The following C12orf60 variants were observed in gnomAD, a reference collection of about 807,000 sequenced individuals.
C12orf60 encodes uncharacterized protein C12orf60.
For synonymous variants in C12orf60, 102 were observed against 94.6 expected, an observed-to-expected ratio of 1.08 and a Z score of -0.45; for missense variants, 284 against 283.2, an observed-to-expected ratio of 1.00 and a Z score of -0.02.
chr12:14,806,115 TG>T (rs1950044672), intron 1 of C12orf60: 41 of 1,614,198 alleles, frequency 2.5e-5, no homozygotes, highest in Non-Finnish European at 3.5e-5. Flanking sequence ...GATGGCTGCT[TG>T]AAGCTGTGTT....
chr12:14,803,974 G>T (rs1365252762), intron 1 of C12orf60, among the ~76,000 whole-genome samples: 12 of 152,100 alleles, frequency 7.9e-5, no homozygotes, highest in African/African-American at 2.9e-4. Context: ...TGAGCGCCTA[G>T]TACGTGTGGA....
intron 1 of C12orf60, among the ~76,000 whole-genome samples, chr12:14,816,220 TG>T (rs1357871687): frequency 2.0e-5 from 3 of 151,986 alleles, no homozygotes; most frequent in African/African-American, 7.2e-5. Context: ...GGATTGACAG[TG>T]GTGGGAAATG....
At chr12:14,807,678 G>A (rs1190462705) in intron 1 of C12orf60, among the ~76,000 whole-genome samples, 9 of 152,158 alleles carry the variant, frequency 5.9e-5, no homozygotes, top group Non-Finnish European at 1.3e-4. Context: ...AGACTCTTTG[G>A]ATTAAAATTT....
In C12orf60 at chr12:14,809,196, G is replaced by A. The variant is rs185528141; in HGVS notation, c.-25+5445G>A. On this transcript the variant is annotated intron_variant, in intron 1 of 1. Transcript: ENST00000330828. ...GGCATAGTTTCCAGAAAAGGTGGGT[G>A]GTTCTGTCTACCTCAAGATAAACAA... is the stretch of plus-strand genomic sequence containing the variant. 3.0e-3 allele frequency among the ~76,000 whole-genome samples: 459 copies of A among 152,232 alleles called. 2 individuals are homozygous for A. Among genetic ancestry groups the A allele is most frequent in the African/African-American group, 0.011 (437 of 41,546 alleles).
chr12:14,812,399 G>A (rs1247216172), intron 1 of C12orf60, among the ~76,000 whole-genome samples: 1 of 152,058 alleles, frequency 6.6e-6, no homozygotes, highest in South Asian at 2.1e-4. Flanking sequence ...AGCCGAGATT[G>A]TGCCACTGCA....
At chr12:14,817,780 G>A (rs773615336) in intron 1 of C12orf60, among the ~76,000 whole-genome samples, 11 of 151,838 alleles carry the variant, frequency 7.2e-5, no homozygotes, top group Non-Finnish European at 1.3e-4. Context: ...AAATAGTGCT[G>A]CAATAAACAT....
chr12:14,803,978 G>C (rs907335934), intron 1 of C12orf60, among the ~76,000 whole-genome samples: 86 of 152,154 alleles, frequency 5.7e-4, no homozygotes, highest in Middle Eastern at 3.4e-3. Context: ...CGCCTAGTAC[G>C]TGTGGAAATT....
chr12:14,823,931 G>T lies in C12orf60; in HGVS notation c.*258G>T. The stretch of plus-strand genomic sequence containing the variant: ...ACAAAGTGGTATTACATTTGAGGAT[G>T]TTTCTAAATATTGTGTTTCATCTTA... On this transcript the variant is annotated 3_prime_UTR_variant, in exon 2 of 2. Coordinates refer to ENST00000330828, the MANE Select transcript of C12orf60 (RefSeq NM_175874.4). The T allele has an allele frequency of 3.9e-6, 1 of 257,646 alleles. No individual in the cohort carries two copies. Among genetic ancestry groups the T allele is most frequent in the Non-Finnish European group, 7.4e-6 (1 of 134,734 alleles). 16.0% of individuals were successfully genotyped at this position (257,646 alleles called of 1,614,324 possible).
intron 1 of C12orf60, among the ~76,000 whole-genome samples, chr12:14,811,983 T>A (rs1950147002): frequency 6.6e-6 from 1 of 152,228 alleles, no homozygotes; most frequent in Non-Finnish European, 1.5e-5. Flanking sequence ...CATATACACT[T>A]TTTTAAATAG....
Position 14,823,558 on chromosome 12 carries a change from C to A in C12orf60, c.623C>A (p.Ala208Glu), listed in dbSNP as rs371170277. Residue 208 changes from alanine to glutamate, a missense_variant, in exon 2 of 2, where the codon GCA becomes GAA. Ala to Glu is a moderately radical substitution (Grantham distance 107, BLOSUM62 -1). Transcript: ENST00000330828. ...TCCAAAAATCCCACAAAGTCAGCAG[C>A]AGATTTGTTGGAACAAATTGTCAAG... Reference protein sequence around the residue: ...EDSKNPTKSAADLLEQIVKAM... With the variant: ...EDSKNPTKSAEDLLEQIVKAM... The A allele has an allele frequency of 2.5e-6, 4 of 1,613,792 alleles. No homozygotes were observed. The highest frequency in any genetic ancestry group is 1.3e-5 in the African/African-American group (1 of 74,892).
intron 1 of C12orf60, among the ~76,000 whole-genome samples, chr12:14,809,481 C>A (rs551207124): frequency 6.6e-6 from 1 of 152,004 alleles, no homozygotes; most frequent in Non-Finnish European, 1.5e-5. Context: ...ACAAATTAGT[C>A]CCCAAAGCAG....
At chr12:14,812,665 A>G (rs1332501638) in intron 1 of C12orf60, among the ~76,000 whole-genome samples, 1 of 152,022 alleles carries the variant, frequency 6.6e-6, no homozygotes, top group Non-Finnish European at 1.5e-5. Context: ...ATTACTTTTG[A>G]TATGTATCGT....
rs1565424422 is a variant in C12orf60 at position 14,823,162 on chromosome 12, C to T, written c.227C>T (p.Ala76Val). 2 of 1,614,132 alleles carry T rather than the reference C, an allele frequency of 1.2e-6. No homozygotes were observed. The highest frequency in any genetic ancestry group is 1.7e-6 in the Non-Finnish European group (2 of 1,180,032). ...IFKEMQSVVDARHDKIQKESL... is the reference protein window; with the variant it reads ...IFKEMQSVVDVRHDKIQKESL... The stretch of plus-strand genomic sequence containing the variant: ...AAGGAGATGCAATCTGTAGTGGATG[C>T]AAGACATGACAAAATTCAAAAGGAG... Residue 76 changes from alanine to valine, a missense_variant, in exon 2 of 2, where the codon GCA (alanine) becomes GTA (valine). Physicochemically the swap from Ala to Val is moderately conservative, Grantham distance 64. Transcript: ENST00000330828.
intron 1 of C12orf60, among the ~76,000 whole-genome samples, chr12:14,810,017 T>C (rs370447366): frequency 9.8e-5 from 15 of 152,358 alleles, no homozygotes; most frequent in Admixed American, 9.1e-4. Flanking sequence ...TAGACTCTTT[T>C]TCGTGGGATC....
At chr12:14,808,249 A>G (rs1224336534) in intron 1 of C12orf60, among the ~76,000 whole-genome samples, 14 of 152,158 alleles carry the variant, frequency 9.2e-5, no homozygotes, top group Admixed American at 9.2e-4. Flanking sequence ...CTTTTGGCCT[A>G]CAGTACCTAA....
chr12:14,818,297 T>C (rs577508360), intron 1 of C12orf60, among the ~76,000 whole-genome samples: 7 of 152,376 alleles, frequency 4.6e-5, no homozygotes, highest in African/African-American at 1.7e-4. Flanking sequence ...TAATTTCTGT[T>C]GCTGCGCAGA....
intron 1 of C12orf60, among the ~76,000 whole-genome samples, chr12:14,822,666 T>C (rs1181577442): frequency 6.6e-6 from 1 of 152,222 alleles, no homozygotes; most frequent in Admixed American, 6.5e-5. Context: ...ATCCATATAT[T>C]CGGGATCCAG....
intron 1 of C12orf60, among the ~76,000 whole-genome samples, chr12:14,821,568 A>G (rs1417926444): frequency 6.6e-6 from 1 of 152,172 alleles, no homozygotes; most frequent in East Asian, 1.9e-4. Context: ...ATATTTTATC[A>G]CTTCAAGTAA....
chr12:14,815,293 C>T (rs1389005547), intron 1 of C12orf60, among the ~76,000 whole-genome samples: 1 of 152,192 alleles, frequency 6.6e-6, no homozygotes. Flanking sequence ...CCACCACGTA[C>T]GGATGTGTGG....
Sources: allele counts gnomAD v4.1 joint callset (sites outside exome capture counted in the v4.1 genomes callset), GRCh38; gene constraint gnomAD v4.1.1; transcripts MANE v1.5; gene names NCBI Gene and HGNC (gene_info 2026-07-23, HGNC 2026-07-21).